DGKB: variants seen among roughly 807,000 people sequenced by gnomAD.
DGKB encodes diacylglycerol kinase beta.
DGKB carries 67 observed loss-of-function variants against 114.3 expected under a neutral mutation model. The ratio of observed to expected loss-of-function variants is 0.59; its 90% CI spans 0.48 to 0.72. The LOEUF (loss-of-function observed/expected upper bound fraction) is 0.72, where lower values mean the gene tolerates loss of function less well. DGKB is among the 30% of genes least tolerant of loss of function. The pLI, the probability that DGKB is intolerant of heterozygous loss-of-function variation, is 0.00. For synonymous variants in DGKB, 398 were observed against 323.1 expected (o/e 1.23, Z -2.49); for missense variants, 907 against 975.2 (o/e 0.93, Z 0.93).
chr7:14,883,658 T>A (rs1207046361), intron 1 of DGKB, among the ~76,000 whole-genome samples: 1 of 151,894 alleles, frequency 6.6e-6, no homozygotes, highest in Non-Finnish European at 1.5e-5. Flanking sequence ...TTTGAACAAA[T>A]TTGAGAGTCC....
intron 1 of DGKB, among the ~76,000 whole-genome samples, chr7:14,967,653 A>T (rs77151444): frequency 1.4e-4 from 11 of 76,094 alleles, no homozygotes; most frequent in Middle Eastern, 5.7e-3. Flanking sequence ...GTGATTTATT[A>T]AAAAAAAAAA....
chr7:14,868,799 C>A (rs906992388), intron 1 of DGKB, among the ~76,000 whole-genome samples: 9 of 152,128 alleles, frequency 5.9e-5, no homozygotes, highest in Non-Finnish European at 1.3e-4. Flanking sequence ...TACCTCAAAG[C>A]TGAGGTGAAA....
At chr7:14,538,847 G>A (rs963820849) in intron 20 of DGKB, among the ~76,000 whole-genome samples, 4 of 152,072 alleles carry the variant, frequency 2.6e-5, no homozygotes, top group African/African-American at 7.2e-5. Flanking sequence ...GATGGACCTG[G>A]ACATTATACT....
chr7:14,822,458 T>TG (rs1375901968), intron 2 of DGKB, among the ~76,000 whole-genome samples: 1 of 152,048 alleles, frequency 6.6e-6, no homozygotes, highest in Non-Finnish European at 1.5e-5. Context: ...GTTGAGGATT[T>TG]GGGGGAGAAA....
At chr7:14,376,030 T>C (rs979913395) in intron 21 of DGKB, among the ~76,000 whole-genome samples, 2 of 152,196 alleles carry the variant, frequency 1.3e-5, no homozygotes, top group Non-Finnish European at 2.9e-5. Context: ...ACCATGCAAA[T>C]TGTATACAGG....
intron 1 of DGKB, among the ~76,000 whole-genome samples, chr7:14,849,488 G>A (rs1849065412): frequency 6.6e-6 from 1 of 152,074 alleles, no homozygotes. Context: ...ATGTGACAAT[G>A]CAGCAAGAAG....
At chr7:14,332,302 A>T (rs745707717) in intron 23 of DGKB, among the ~76,000 whole-genome samples, 7 of 152,192 alleles carry the variant, frequency 4.6e-5, no homozygotes, top group African/African-American at 1.7e-4. Flanking sequence ...TACTTGCCCA[A>T]AGTTGTCCAG....
At chr7:14,401,929 C>A (rs929445502) in intron 21 of DGKB, among the ~76,000 whole-genome samples, 3 of 150,776 alleles carry the variant, frequency 2.0e-5, no homozygotes, top group Non-Finnish European at 3.0e-5. Flanking sequence ...AGGAGGAAAT[C>A]TATCTCAAGA....
chr7:14,650,819 C>A (rs1814287002), intron 13 of DGKB, among the ~76,000 whole-genome samples: 1 of 147,008 alleles, frequency 6.8e-6, no homozygotes, highest in African/African-American at 2.5e-5. Context: ...GGGGATATCA[C>A]CACAGATCCC....
At chr7:14,837,527 C>A (rs767616854) in intron 2 of DGKB, among the ~76,000 whole-genome samples, 2 of 152,042 alleles carry the variant, frequency 1.3e-5, no homozygotes, top group Non-Finnish European at 2.9e-5. Context: ...TAGCATGTTG[C>A]AAATTTAACT....
At chr7:14,671,834 T>G (rs969393756) in intron 13 of DGKB, among the ~76,000 whole-genome samples, 1 of 152,096 alleles carries the variant, frequency 6.6e-6, no homozygotes, top group African/African-American at 2.4e-5. Flanking sequence ...CTTAAATGAA[T>G]AAAAACAACA....
At chr7:14,796,392 C>T (rs1402827654) in intron 2 of DGKB, among the ~76,000 whole-genome samples, 2 of 152,156 alleles carry the variant, frequency 1.3e-5, no homozygotes, top group South Asian at 4.1e-4. Context: ...ACACTTTCCA[C>T]TTGATTGGTG....
intron 13 of DGKB, among the ~76,000 whole-genome samples, chr7:14,635,142 G>C (rs979228858): frequency 6.6e-6 from 1 of 151,304 alleles, no homozygotes; most frequent in African/African-American, 2.4e-5. Flanking sequence ...AAATTTTAAA[G>C]TTTGCATTAA....
At chr7:14,351,647 T>G (rs562775371) in intron 21 of DGKB, among the ~76,000 whole-genome samples, 2 of 152,146 alleles carry the variant, frequency 1.3e-5, no homozygotes, top group Non-Finnish European at 2.9e-5. Context: ...ATGAAAAAGG[T>G]TGCTCAAAGT....
At chr7:14,570,721 G>C (rs1165272055) in intron 20 of DGKB, among the ~76,000 whole-genome samples, 1 of 151,988 alleles carries the variant, frequency 6.6e-6, no homozygotes, top group Admixed American at 6.6e-5. Flanking sequence ...AAGTTAAAGG[G>C]GAGGAAGAAG....
intron 21 of DGKB, among the ~76,000 whole-genome samples, chr7:14,362,982 G>A (rs775286991): frequency 3.0e-4 from 46 of 152,110 alleles, no homozygotes; most frequent in Admixed American, 8.5e-4. Context: ...CATAAGCTCT[G>A]GATCCTAGGC....
chr7:14,222,751 G>A (rs1038696084), intron 23 of DGKB, among the ~76,000 whole-genome samples: 1 of 151,350 alleles, frequency 6.6e-6, no homozygotes, highest in African/African-American at 2.4e-5. Flanking sequence ...TTGAAAGTGG[G>A]ATATAGAAGT....
chr7:14,757,416 C>A (rs1835038959), intron 3 of DGKB, among the ~76,000 whole-genome samples: 1 of 151,914 alleles, frequency 6.6e-6, no homozygotes, highest in African/African-American at 2.4e-5. Context: ...TAGAATAGCA[C>A]TGCATTATGA....
At chr7:14,925,371 T>G (rs899310105) in intron 1 of DGKB, among the ~76,000 whole-genome samples, 2 of 152,210 alleles carry the variant, frequency 1.3e-5, no homozygotes, top group Non-Finnish European at 2.9e-5. Flanking sequence ...TTTGCGCATA[T>G]TTTTAGGCAG....
Sources: allele counts gnomAD v4.1 joint callset (sites outside exome capture counted in the v4.1 genomes callset), GRCh38; gene constraint gnomAD v4.1.1; transcripts MANE v1.5; gene names NCBI Gene and HGNC (gene_info 2026-07-23, HGNC 2026-07-21).